The following CD226 variants were observed in gnomAD, a reference collection of about 807,000 sequenced individuals.
CD226 encodes the protein CD226 molecule.
A neutral mutation model predicts 34.9 loss-of-function variants in CD226; 24 were observed. The observed-to-expected ratio is 0.69, with a 90% confidence interval of 0.50 to 0.97. CD226 has a LOEUF of 0.97. Among genes scored for constraint, CD226 ranks in the 50% least tolerant of loss-of-function variants. The pLI, the probability that CD226 is intolerant of heterozygous loss-of-function variation, is 0.00. For synonymous variants in CD226, 148 were observed against 147.4 expected (o/e 1.00, Z -0.03); for missense variants, 397 against 412.7 (o/e 0.96, Z 0.33).
intron 4 of CD226, among the ~76,000 whole-genome samples, chr18:69,872,114 G>A (rs1192340995): frequency 6.7e-6 from 1 of 149,490 alleles, no homozygotes; most frequent in Non-Finnish European, 1.5e-5. Context: ...CATTACTGAA[G>A]GAGAGGAGTG....
At chr18:69,912,871 A>G (rs759513486) in intron 2 of CD226, among the ~76,000 whole-genome samples, 1 of 151,496 alleles carries the variant, frequency 6.6e-6, no homozygotes, top group Admixed American at 6.5e-5. Flanking sequence ...ACTTGTAACA[A>G]ATGGGATCTG....
chr18:69,946,757 T>A lies in CD226; in HGVS notation c.359A>T (p.Lys120Met). The A allele has an allele frequency of 6.2e-7, 1 of 1,613,330 alleles. No homozygotes were observed. The highest frequency in any genetic ancestry group is 8.5e-7 in the Non-Finnish European group (1 of 1,179,582). Residue 120 changes from lysine to methionine, a missense_variant, in exon 2 of 6, where the codon AAG (lysine) becomes ATG (methionine). Physicochemically the swap from Lys to Met is moderately conservative, Grantham distance 95. Transcript: ENST00000582621. ...LYTYPQGTWQ[K>M]VIQVVQSDSF... ...ACCTGACTGAACCACCTGTATCACCTTCTGCCAAGTTCCCTGTGGGTAAGT... is the reference window on the plus strand; with the variant it reads ...ACCTGACTGAACCACCTGTATCACCATCTGCCAAGTTCCCTGTGGGTAAGT...
In CD226 at chr18:69,898,860, G is replaced by C. The variant is rs540204085; in HGVS notation, c.383-2815C>G. ...TGCCAGAAAGAGCCCACACAAACAA[G>C]AGAACCGTGGGATCCTGATGAACTT... On this transcript the variant is annotated intron_variant, in intron 2 of 5. Transcript: ENST00000582621. Among the ~76,000 whole-genome samples, 59 of 152,290 alleles carry C rather than the reference G, an allele frequency of 3.9e-4. No individual in the cohort carries two copies. In the South Asian group the frequency reaches 0.012, roughly 30 times the overall value.
intron 3 of CD226, among the ~76,000 whole-genome samples, chr18:69,878,181 AAAG>A (rs1323414809): frequency 3.3e-5 from 5 of 152,238 alleles, no homozygotes; most frequent in African/African-American, 4.8e-5. Flanking sequence ...TTTCTTTAAA[AAAG>A]AAGAATTGTT....
chr18:69,897,702 G>C (rs1023979162), intron 2 of CD226, among the ~76,000 whole-genome samples: 2 of 152,068 alleles, frequency 1.3e-5, no homozygotes, highest in African/African-American at 4.8e-5. Context: ...GAAGAAAAAA[G>C]GAAGGAAAGG....
Position 69,864,284 on chromosome 18 carries a change from A to G in CD226, c.*30T>C. 1 of 1,609,754 alleles carries G rather than the reference A, an allele frequency of 6.2e-7. No individual in the cohort carries two copies. The highest frequency in any genetic ancestry group is 8.5e-7 in the Non-Finnish European group (1 of 1,176,348). On this transcript the variant is annotated 3_prime_UTR_variant, in exon 6 of 6. Coordinates refer to ENST00000582621, the MANE Select transcript of CD226 (RefSeq NM_001303618.2). ...ATCCATGCATGAGTACATAAGAGTC[A>G]TTACTAATGCACTCATGTCAAGAAT...
At chr18:69,881,390 T>G (rs1599388768) in intron 3 of CD226, among the ~76,000 whole-genome samples, 2 of 152,290 alleles carry the variant, frequency 1.3e-5, no homozygotes, top group African/African-American at 4.8e-5. Flanking sequence ...AAACAGAGAC[T>G]GAGGAGAAAA....
intron 2 of CD226, among the ~76,000 whole-genome samples, chr18:69,932,315 G>T (rs2055598870): frequency 6.6e-6 from 1 of 152,126 alleles, no homozygotes; most frequent in Non-Finnish European, 1.5e-5. Context: ...GTGTACATTT[G>T]TGACATGACA....
In CD226 at chr18:69,904,327, T is replaced by C. The variant is rs73972910; in HGVS notation, c.383-8282A>G. ...CAGTATGTCCAAAGAGCGATTCCCC[T>C]GTCTAAGCACTGAACAGCAAAGGAC... is the stretch of plus-strand genomic sequence containing the variant. On this transcript the variant is annotated intron_variant, in intron 2 of 5. Coordinates refer to ENST00000582621, the MANE Select transcript of CD226 (RefSeq NM_001303618.2). Among the ~76,000 whole-genome samples, 866 of 152,302 alleles carry C rather than the reference T, an allele frequency of 5.7e-3. 12 individuals are homozygous for C. Among genetic ancestry groups the C allele is most frequent in the African/African-American group, 0.02 (813 of 41,574 alleles).
At chr18:69,951,432 C>T (rs2055853392), upstream of CD226, among the ~76,000 whole-genome samples, 1 of 152,152 alleles carries the variant, frequency 6.6e-6, no homozygotes, top group East Asian at 1.9e-4. Flanking sequence ...TCTTTATCTC[C>T]TCTCATTATG....
chr18:69,934,430 G>A (rs993924696), intron 2 of CD226, among the ~76,000 whole-genome samples: 2 of 152,190 alleles, frequency 1.3e-5, no homozygotes, highest in African/African-American at 4.8e-5. Context: ...CTGCTAAAAT[G>A]AGAATGTTAA....
chr18:69,868,846 AATAAGCCTGGAGC>A (rs1983322054), intron 4 of CD226, among the ~76,000 whole-genome samples: 1 of 151,826 alleles, frequency 6.6e-6, no homozygotes, highest in Non-Finnish European at 1.5e-5. Flanking sequence ...TACACATTTA[AATAAGCCTGGAGC>A]ATACAATGTG....
Position 69,924,692 on chromosome 18 carries a change from CAAAAAAA to C in CD226, c.382+22035_382+22041del, listed in dbSNP as rs56118102. Among the ~76,000 whole-genome samples, 5 of 57,130 alleles carry C rather than the reference CAAAAAAA, an allele frequency of 8.8e-5. No homozygotes were observed. In the East Asian group the frequency reaches 2.5e-3, roughly 28 times the overall value. The allele number at this position is 57,130 out of a possible 152,430, so 37.5% of individuals were successfully genotyped here. On this transcript the variant is annotated intron_variant, in intron 2 of 5. Transcript: ENST00000582621. ...GGCAACAGTAGGATGAAGGTATTGC[CAAAAAAA>C]AAAAAAAAAAAAAGAATCATTCAAA...
At chr18:69,929,614 C>A (rs768595678) in intron 2 of CD226, among the ~76,000 whole-genome samples, 1 of 152,040 alleles carries the variant, frequency 6.6e-6, no homozygotes, top group Non-Finnish European at 1.5e-5. Context: ...ACTCGTACAC[C>A]CATGACTTTA....
intron 1 of CD226, 110 bp from the exon 2 acceptor site, chr18:69,947,179 G>A (rs2055804572): frequency 9.8e-7 from 1 of 1,022,492 alleles, no homozygotes; most frequent in African/African-American, 1.6e-5. Flanking sequence ...AAGGCTGACA[G>A]TTTCTGCCTT....
chr18:69,946,755 C>A lies in CD226; in HGVS notation c.361G>T (p.Val121Leu). The A allele has an allele frequency of 6.2e-7, 1 of 1,612,612 alleles. No homozygotes were observed. Among genetic ancestry groups the A allele is most frequent in the South Asian group, 1.1e-5 (1 of 90,978 alleles). Residue 121 changes from valine (V) to leucine (L), a missense_variant, in exon 2 of 6, where the codon GTG becomes TTG. Transcript: ENST00000582621. The part of the protein sequence containing the change: ...YTYPQGTWQK[V>L]IQVVQSDSFE... ...TTACCTGACTGAACCACCTGTATCA[C>A]CTTCTGCCAAGTTCCCTGTGGGTAA...
intron 2 of CD226, among the ~76,000 whole-genome samples, chr18:69,909,643 G>T (rs1457901486): frequency 6.6e-6 from 1 of 152,166 alleles, no homozygotes; most frequent in African/African-American, 2.4e-5. Context: ...AAAGCAAGTA[G>T]CCCAGAAAAA....
chr18:69,875,007 T>C (rs1015030212), intron 3 of CD226, among the ~76,000 whole-genome samples: 14 of 152,238 alleles, frequency 9.2e-5, no homozygotes, highest in African/African-American at 2.9e-4. Context: ...TGCATCCACA[T>C]CTTGACTACT....
rs1232310461 is a variant in CD226 at position 69,947,627 on chromosome 18, A to G, written c.-221T>C. ...ATTTGAGTTTCTTCTCTCTCGGGGA[A>G]CCAGTCGGCTTATTTTCGGGCTTTC... On this transcript the variant is annotated 5_prime_UTR_variant, in exon 1 of 6. Transcript: ENST00000582621. The G allele has an allele frequency of 1.0e-5, 4 of 390,032 alleles. No individual in the cohort carries two copies. The highest frequency in any genetic ancestry group is 1.8e-5 in the Non-Finnish European group (4 of 220,430). 24.2% of individuals were successfully genotyped at this position (390,032 alleles called of 1,614,324 possible).
Sources: gnomAD v4.1 joint callset for allele counts (sites outside exome capture counted in the v4.1 genomes callset) on GRCh38, gnomAD v4.1.1 for gene constraint, MANE v1.5 for transcripts, NCBI Gene and HGNC (gene_info 2026-07-23, HGNC 2026-07-21) for gene names.